The following ARHGEF17 variants were observed in gnomAD, a reference collection of about 807,000 sequenced individuals.
The protein encoded by ARHGEF17 is Rho guanine nucleotide exchange factor 17.
A neutral mutation model predicts 174.0 loss-of-function variants in ARHGEF17; 80 were observed. That is an observed-to-expected ratio of 0.46 (90% CI 0.38 to 0.55). The LOEUF (loss-of-function observed/expected upper bound fraction) is 0.55, where lower values mean the gene tolerates loss of function less well. Among genes scored for constraint, ARHGEF17 ranks in the 20% least tolerant of loss-of-function variants. ARHGEF17 has a pLI of 0.00. For missense variants in ARHGEF17, 2,886 were observed against 2,839.7 expected (o/e 1.02, Z -0.37); for synonymous variants, 1,311 against 1,189.1 (o/e 1.10, Z -2.11).
intron 2 of ARHGEF17, among the ~76,000 whole-genome samples, chr11:73,352,049 G>T (rs190878792): frequency 2.0e-4 from 30 of 152,134 alleles, no homozygotes; most frequent in African/African-American, 6.5e-4. Flanking sequence ...ATGGCTGGGC[G>T]CAGTGGCTCA....
At chr11:73,355,980 G>T (rs779477095) in intron 5 of ARHGEF17, 27 bp downstream of exon 5, 1 of 1,613,528 alleles carries the variant, frequency 6.2e-7, no homozygotes, top group East Asian at 2.2e-5. Context: ...GTGGGCAAGT[G>T]GGCAAGGCCT....
chr11:73,325,194 C>T (rs1325734477), intron 1 of ARHGEF17, among the ~76,000 whole-genome samples: 2 of 152,194 alleles, frequency 1.3e-5, no homozygotes, highest in African/African-American at 2.4e-5. Flanking sequence ...CCCAGAGAGG[C>T]CCAGACCCGC....
At chr11:73,327,452 G>C (rs978242039) in intron 1 of ARHGEF17, among the ~76,000 whole-genome samples, 4 of 150,854 alleles carry the variant, frequency 2.7e-5, no homozygotes, top group Non-Finnish European at 6.0e-5. Context: ...GTTGGCAGGA[G>C]AAAGACTGAG....
intron 2 of ARHGEF17, 102 bp from the exon 3 acceptor site, chr11:73,352,728 C>T: frequency 7.5e-7 from 1 of 1,326,324 alleles, no homozygotes; most frequent in South Asian, 1.3e-5. Flanking sequence ...CGCTGAGCTG[C>T]AGGCCCGGGT....
chr11:73,361,713 G>A (rs944396584), intron 12 of ARHGEF17, among the ~76,000 whole-genome samples: 3 of 152,046 alleles, frequency 2.0e-5, no homozygotes, highest in African/African-American at 7.2e-5. Context: ...AATTATCCAC[G>A]TTTAGTGGCG....
chr11:73,337,269 G>A (rs1049952825), intron 1 of ARHGEF17, among the ~76,000 whole-genome samples: 2 of 152,168 alleles, frequency 1.3e-5, no homozygotes, highest in South Asian at 2.1e-4. Flanking sequence ...TTAGCTGGGC[G>A]TGGTGGTGCG....
At chr11:73,349,867 G>A (rs976037643) in intron 2 of ARHGEF17, among the ~76,000 whole-genome samples, 46 of 152,174 alleles carry the variant, frequency 3.0e-4, no homozygotes, top group African/African-American at 9.7e-4. Context: ...CCCAAAGACC[G>A]TCCCTGGAGG....
chr11:73,361,220 A>T (rs1028636250), intron 12 of ARHGEF17, 59 bp downstream of exon 12: 3 of 1,514,232 alleles, frequency 2.0e-6, no homozygotes, highest in Non-Finnish European at 2.7e-6. Flanking sequence ...GTGTTCATGA[A>T]TTTTTGTGTA....
At chr11:73,366,420 T>C (rs1042323689) in intron 20 of ARHGEF17, among the ~76,000 whole-genome samples, 2 of 152,072 alleles carry the variant, frequency 1.3e-5, no homozygotes, top group Admixed American at 6.6e-5. Flanking sequence ...GAAAATGGAC[T>C]GATAATTAGA....
intron 1 of ARHGEF17, among the ~76,000 whole-genome samples, chr11:73,326,296 G>A (rs1417865507): frequency 2.0e-5 from 3 of 152,172 alleles, no homozygotes; most frequent in Non-Finnish European, 4.4e-5. Flanking sequence ...AACTGCAAAG[G>A]TAGAGGCCTG....
At position 73,362,073 on chromosome 11, in the gene ARHGEF17, C is replaced by T. The variant is rs369232606; in HGVS notation, c.4528C>T (p.Pro1510Ser). Residue 1510 changes from proline to serine, a missense_variant, in exon 13 of 21, where the codon CCG (proline) becomes TCG (serine). Pro to Ser is a moderately conservative substitution (Grantham distance 74). Transcript: ENST00000263674. ...SCAAPTLNSC[P>S]EPSPEVWVCN... ...TGCGGCTCCCACCCTGAACAGCTGC[C>T]CGGAGCCCTCGCCTGAGGTATGGGT... 6.1e-4 allele frequency: 979 copies of T among 1,612,866 alleles called. 17 individuals are homozygous for T. In the South Asian group the frequency reaches 0.01, roughly 17 times the overall value.
intron 1 of ARHGEF17, among the ~76,000 whole-genome samples, chr11:73,332,530 T>C (rs1416839039): frequency 6.6e-6 from 1 of 152,188 alleles, no homozygotes; most frequent in Non-Finnish European, 1.5e-5. Context: ...TCTCTGGGCT[T>C]TCCTGTGGTT....
Position 73,308,720 on chromosome 11 carries a change from C to T in ARHGEF17, c.82C>T (p.Leu28=). The part of the protein sequence containing the change: ...LLERWSGGPG[L]REEDTDTPGL... ...GGAGCGCTGGAGCGGCGGCCCCGGG[C>T]TGAGGGAGGAGGACACGGACACCCC... The change falls in exon 1 of 21, where the codon CTG becomes TTG. Residue 28 remains leucine, a synonymous_variant. Coordinates refer to ENST00000263674, the MANE Select transcript of ARHGEF17 (RefSeq NM_014786.4). 2.0e-6 allele frequency: 3 copies of T among 1,513,430 alleles called. No individual in the cohort carries two copies. The highest frequency in any genetic ancestry group is 2.6e-6 in the Non-Finnish European group (3 of 1,135,560). 93.8% of individuals were successfully genotyped at this position (1,513,430 alleles called of 1,614,324 possible).
intron 1 of ARHGEF17, among the ~76,000 whole-genome samples, chr11:73,327,851 T>C (rs941813400): frequency 1.5e-5 from 2 of 131,732 alleles, no homozygotes; most frequent in Non-Finnish European, 3.1e-5. Context: ...GCCAGATGGC[T>C]TTCTTCAAAT....
intron 4 of ARHGEF17, 32 bp from the exon 5 acceptor site, chr11:73,355,828 AT>A (rs777113137): frequency 2.5e-5 from 40 of 1,613,132 alleles, no homozygotes; most frequent in Non-Finnish European, 3.2e-5. Flanking sequence ...CTGGCATGTC[AT>A]TCCTCACATG....
intron 1 of ARHGEF17, among the ~76,000 whole-genome samples, chr11:73,318,824 A>T (rs1864969624): frequency 6.6e-6 from 1 of 152,228 alleles, no homozygotes; most frequent in South Asian, 2.1e-4. Flanking sequence ...ACACACATCT[A>T]GTGGTTGAAA....
intron 1 of ARHGEF17, among the ~76,000 whole-genome samples, chr11:73,328,367 C>A (rs566547349): frequency 3.3e-5 from 5 of 152,316 alleles, no homozygotes; most frequent in Admixed American, 6.5e-5. Flanking sequence ...CCATCACTGA[C>A]TCTGGAGCAG....
At chr11:73,345,163 T>C (rs980129468) in intron 1 of ARHGEF17, among the ~76,000 whole-genome samples, 1 of 152,140 alleles carries the variant, frequency 6.6e-6, no homozygotes, top group Non-Finnish European at 1.5e-5. Context: ...ACTGCCTCCT[T>C]CTGGAAGCTG....
Position 73,336,973 on chromosome 11 carries a change from A to T in ARHGEF17, c.3193-9910A>T, listed in dbSNP as rs143375127. Reference sequence around the variant, plus strand: ...AGAATGAGCAAGCCAAGAGAGCAAGATGGAAGCACATGGCATTTTTATGAC... The same window carrying T: ...AGAATGAGCAAGCCAAGAGAGCAAGTTGGAAGCACATGGCATTTTTATGAC... On this transcript the variant is annotated intron_variant, in intron 1 of 20. Coordinates refer to ENST00000263674, the MANE Select transcript of ARHGEF17 (RefSeq NM_014786.4). Among the ~76,000 whole-genome samples, 928 of 152,356 alleles carry T rather than the reference A, an allele frequency of 6.1e-3. 9 individuals are homozygous for T. Among genetic ancestry groups the T allele is most frequent in the Middle Eastern group, 0.027 (8 of 294 alleles).
Sources: gnomAD v4.1 joint callset for allele counts (sites outside exome capture counted in the v4.1 genomes callset) on GRCh38, gnomAD v4.1.1 for gene constraint, MANE v1.5 for transcripts, NCBI Gene and HGNC (gene_info 2026-07-23, HGNC 2026-07-21) for gene names.